RALGPS2: variants seen among roughly 807,000 people sequenced by gnomAD.
RALGPS2 encodes ras-specific guanine nucleotide-releasing factor RalGPS2.
A neutral mutation model predicts 86.8 loss-of-function variants in RALGPS2; 43 were observed. The ratio of observed to expected loss-of-function variants is 0.50; its 90% CI spans 0.39 to 0.64. The LOEUF is 0.64. RALGPS2 is among the 30% of genes least tolerant of loss of function. RALGPS2 has a pLI of 0.00. For missense variants in RALGPS2, 536 were observed against 694.6 expected (o/e 0.77, Z 2.57); for synonymous variants, 243 against 231.3 (o/e 1.05, Z -0.46).
intron 8 of RALGPS2, chr1:178,864,901 G>C (rs1298244082): frequency 5.0e-6 from 6 of 1,192,430 alleles, no homozygotes; most frequent in Non-Finnish European, 6.7e-6. Flanking sequence ...GTTTCATAAG[G>C]CATAAAAATA....
intron 8 of RALGPS2, chr1:178,850,744 T>TA (rs1411245551): frequency 6.5e-6 from 1 of 154,598 alleles, no homozygotes; most frequent in African/African-American, 2.4e-5. Context: ...GCTGAAATTT[T>TA]AAAAATATTT....
chr1:178,861,884 G>A (rs1425917435), intron 8 of RALGPS2, among the ~76,000 whole-genome samples: 1 of 152,048 alleles, frequency 6.6e-6, no homozygotes, highest in East Asian at 1.9e-4. Flanking sequence ...TGTTGTAGTT[G>A]TTGTTGTTGT....
At chr1:178,731,408 A>G (rs1650352129) in intron 1 of RALGPS2, among the ~76,000 whole-genome samples, 1 of 148,080 alleles carries the variant, frequency 6.8e-6, no homozygotes, top group Non-Finnish European at 1.5e-5. Context: ...TCAGCCTCCT[A>G]AGTAGCTGGG....
chr1:178,808,839 G>A (rs951660547), intron 5 of RALGPS2, among the ~76,000 whole-genome samples: 2 of 152,098 alleles, frequency 1.3e-5, no homozygotes, highest in Non-Finnish European at 2.9e-5. Flanking sequence ...AAGGCAGCCT[G>A]TAGTTAACAA....
At position 178,859,738 on chromosome 1, in the gene RALGPS2, G is replaced by A. The variant is rs553639472; in HGVS notation, c.608-17760G>A. 2.3e-4 allele frequency among the ~76,000 whole-genome samples: 25 copies of A among 110,830 alleles called. No homozygotes were observed. The East Asian group carries it at 5.2e-3, about 23-fold the overall frequency. The allele number at this position is 110,830 out of a possible 152,430, so 72.7% of individuals were successfully genotyped here. On this transcript the variant is annotated intron_variant, in intron 8 of 19. Transcript: ENST00000367635. ...TTTTGAGACGGAGTCTCGCTCTGTC[G>A]CCAGGCTGGAGTGCAGTGTCGCGAT... is the stretch of plus-strand genomic sequence containing the variant.
intron 16 of RALGPS2, among the ~76,000 whole-genome samples, chr1:178,896,811 A>G (rs1354695919): frequency 6.7e-6 from 1 of 149,212 alleles, no homozygotes; most frequent in Non-Finnish European, 1.5e-5. Flanking sequence ...TTATGGCTGC[A>G]TAGTATTCCA....
In RALGPS2 at chr1:178,921,108, G is replaced by T. The variant is rs1399593941; in HGVS notation, c.*4749G>T. The T allele has an allele frequency of 6.6e-6, 1 of 151,976 alleles. No homozygotes were observed. The highest frequency in any genetic ancestry group is 1.9e-4 in the East Asian group (1 of 5,190). 9.4% of individuals were successfully genotyped at this position (151,976 alleles called of 1,614,324 possible). A position where few individuals can be genotyped will look rare whatever the true frequency, so the allele number is the denominator to read the frequency against. ...CTTTTCACATTTTTTTAAAGGGCTA[G>T]TATGTTCCAGAGTAGGCAAGTAGTC... On this transcript the variant is annotated 3_prime_UTR_variant, in exon 20 of 20. Coordinates refer to ENST00000367635, the MANE Select transcript of RALGPS2 (RefSeq NM_152663.5).
At chr1:178,888,743 C>T (rs759615988) in intron 13 of RALGPS2, among the ~76,000 whole-genome samples, 1 of 152,006 alleles carries the variant, frequency 6.6e-6, no homozygotes, top group Admixed American at 6.6e-5. Context: ...ATTGCAAACC[C>T]GTAGAAGGGT....
chr1:178,911,985 T>C lies in RALGPS2; in HGVS notation c.1723-4345T>C, dbSNP rs1660647402. 2.6e-5 allele frequency among the ~76,000 whole-genome samples: 4 copies of C among 152,224 alleles called. No homozygotes were observed. In the South Asian group the frequency reaches 8.3e-4, roughly 32 times the overall value. On this transcript the variant is annotated intron_variant, in intron 19 of 19. Transcript: ENST00000367635. ...TGCCCTTCTTTGTCCTTTTTGACCA[T>C]TGTTATAGTCTGTTGTATCTAATAT... is the stretch of plus-strand genomic sequence containing the variant.
At chr1:178,835,215 C>T (rs767209417) in intron 8 of RALGPS2, among the ~76,000 whole-genome samples, 2 of 152,132 alleles carry the variant, frequency 1.3e-5, no homozygotes, top group Non-Finnish European at 2.9e-5. Context: ...GTATGAAGAA[C>T]ATTAGACTGA....
rs1420192797 is a variant in RALGPS2, at chr1:178,833,197, CTTAG to C, written c.481-223_481-220del. Among the ~76,000 whole-genome samples the C allele has an allele frequency of 1.3e-4, 20 of 151,944 alleles. No individual in the cohort carries two copies. The East Asian group carries it at 3.1e-3, about 23-fold the overall frequency. On this transcript the variant is annotated intron_variant, in intron 7 of 19. Transcript: ENST00000367635. ...AACACGAAAATGTTATAATTTATTACTTAGTTAATTTTATGAACATACAAAGGAT... is the reference window on the plus strand; with the variant it reads ...AACACGAAAATGTTATAATTTATTACTTAATTTTATGAACATACAAAGGAT...
chr1:178,803,619 T>C (rs927726289), intron 4 of RALGPS2, among the ~76,000 whole-genome samples: 3 of 152,182 alleles, frequency 2.0e-5, no homozygotes, highest in Non-Finnish European at 4.4e-5. Flanking sequence ...AGGGAGATAA[T>C]ATAAAATGAT....
At chr1:178,895,911 T>A (rs765272856) in intron 16 of RALGPS2, among the ~76,000 whole-genome samples, 30 of 151,668 alleles carry the variant, frequency 2.0e-4, no homozygotes, top group Non-Finnish European at 3.8e-4. Flanking sequence ...GATTTGGGAG[T>A]CATTAGCATA....
intron 8 of RALGPS2, chr1:178,850,802 G>C (rs1657120713): frequency 5.7e-6 from 1 of 175,424 alleles, no homozygotes; most frequent in South Asian, 2.0e-4. Flanking sequence ...AAATTGTTAA[G>C]TATCTTGAAC....
intron 1 of RALGPS2, among the ~76,000 whole-genome samples, chr1:178,735,707 T>C (rs1407655230): frequency 6.6e-6 from 1 of 151,258 alleles, no homozygotes; most frequent in African/African-American, 2.4e-5. Context: ...CTTAGATATA[T>C]GTACATTATA....
At chr1:178,873,075 A>G (rs751292834) in intron 8 of RALGPS2, among the ~76,000 whole-genome samples, 27 of 152,152 alleles carry the variant, frequency 1.8e-4, no homozygotes, top group Non-Finnish European at 3.7e-4. Flanking sequence ...AGGTAGGGAA[A>G]ACCTGAGAAC....
At chr1:178,864,479 T>C (rs1380243157) in intron 8 of RALGPS2, among the ~76,000 whole-genome samples, 1 of 152,128 alleles carries the variant, frequency 6.6e-6, no homozygotes, top group African/African-American at 2.4e-5. Flanking sequence ...AGTCATCTGC[T>C]GAGAGTGGAG....
At chr1:178,863,546 G>A (rs1039818339) in intron 8 of RALGPS2, among the ~76,000 whole-genome samples, 4 of 152,178 alleles carry the variant, frequency 2.6e-5, no homozygotes, top group Admixed American at 1.3e-4. Flanking sequence ...CTAAATTGAC[G>A]ACAGATAAGC....
At chr1:178,887,684 A>G (rs1659547718) in intron 13 of RALGPS2, among the ~76,000 whole-genome samples, 1 of 152,176 alleles carries the variant, frequency 6.6e-6, no homozygotes, top group Non-Finnish European at 1.5e-5. Context: ...AAATTATTTC[A>G]GAGCTCTCCA....
Sources: gnomAD v4.1 joint callset for allele counts (sites outside exome capture counted in the v4.1 genomes callset) on GRCh38, gnomAD v4.1.1 for gene constraint, MANE v1.5 for transcripts, NCBI Gene and HGNC (gene_info 2026-07-23, HGNC 2026-07-21) for gene names.